The following PCDHA6 variants were observed in gnomAD, a reference collection of about 807,000 sequenced individuals.
PCDHA6 encodes protocadherin alpha-6.
Under a neutral mutation model 60.3 loss-of-function variants are expected in PCDHA6, and 55 were observed. The ratio of observed to expected loss-of-function variants is 0.91; its 90% CI spans 0.73 to 1.14. The LOEUF (loss-of-function observed/expected upper bound fraction) is 1.14, where lower values mean the gene tolerates loss of function less well. PCDHA6 is among the 50% of genes most tolerant of loss of function. PCDHA6 has a pLI of 0.00. For missense variants in PCDHA6, 1,327 were observed against 1,256.5 expected (o/e 1.06, Z -0.85); for synonymous variants, 652 against 557.9 (o/e 1.17, Z -2.38).
intron 3 of PCDHA6, among the ~76,000 whole-genome samples, chr5:140,983,431 G>T (rs947907651): frequency 5.3e-5 from 8 of 152,198 alleles, no homozygotes; most frequent in African/African-American, 1.9e-4. Flanking sequence ...ACCACAAATT[G>T]TGTCTACTCT....
At chr5:140,858,342 C>T (rs528199752) in intron 1 of PCDHA6, 5 of 1,594,916 alleles carry the variant, frequency 3.1e-6, no homozygotes, top group East Asian at 2.2e-5. Flanking sequence ...CTGCCCAAGG[C>T]GGACCTCATG....
At chr5:140,987,262 G>A (rs563934474) in intron 3 of PCDHA6, among the ~76,000 whole-genome samples, 1 of 151,978 alleles carries the variant, frequency 6.6e-6, no homozygotes, top group South Asian at 2.1e-4. Context: ...TCTCAGGAAT[G>A]GGACCCGGCA....
rs2080357826 is a variant in PCDHA6 at position 140,921,739 on chromosome 5, G to T, written c.2395-57210G>T. The stretch of plus-strand genomic sequence containing the variant: ...CGAATTACTCCCATAAAAATTATAA[G>T]CATAACAGGACACTTCTTGGCTACT... On this transcript the variant is annotated intron_variant, in intron 1 of 3. Transcript: ENST00000529310. Among the ~76,000 whole-genome samples, 7 of 152,134 alleles carry T rather than the reference G, an allele frequency of 4.6e-5. No individual in the cohort carries two copies. In the South Asian group the frequency reaches 1.5e-3, roughly 32 times the overall value.
chr5:140,929,170 C>T, intron 1 of PCDHA6: 4 of 1,614,134 alleles, frequency 2.5e-6, no homozygotes, highest in Non-Finnish European at 3.4e-6. Flanking sequence ...TCGGGCCTCT[C>T]TGGGACTTGG....
chr5:140,832,092 A>T, intron 1 of PCDHA6, among the ~76,000 whole-genome samples: 1 of 152,240 alleles, frequency 6.6e-6, no homozygotes, highest in East Asian at 1.9e-4. Flanking sequence ...TTTAAATGCC[A>T]TGTTCTACAT....
At chr5:140,972,798 A>G (rs782291338) in intron 1 of PCDHA6, among the ~76,000 whole-genome samples, 6 of 151,178 alleles carry the variant, frequency 4.0e-5, no homozygotes, top group Admixed American at 2.6e-4. Flanking sequence ...TGAGTAGCTG[A>G]GATTACAGGC....
In PCDHA6 at chr5:140,829,576, G is replaced by A. The variant is rs2150170458; in HGVS notation, c.1485G>A (p.Val495=). 2 of 1,612,390 alleles carry A rather than the reference G, an allele frequency of 1.2e-6. No individual in the cohort carries two copies. The highest frequency in any genetic ancestry group is 3.3e-5 in the Admixed American group (2 of 60,002). Residue 495 remains valine (V), a synonymous_variant, in exon 1 of 4, where the codon GTG becomes GTA. Coordinates refer to ENST00000529310, the MANE Select transcript of PCDHA6 (RefSeq NM_018909.4). ...QENALVSYSL[V]ERRVGERALS... ...ACGCGCTGGTGTCCTACTCGCTGGT[G>A]GAGCGGCGGGTGGGCGAGCGCGCGT...
At chr5:140,966,469 C>G (rs1308389710) in intron 1 of PCDHA6, 1 of 432,506 alleles carries the variant, frequency 2.3e-6, no homozygotes, top group African/African-American at 2.0e-5. Context: ...GTCTTCCCTT[C>G]TGTTTCCTTT....
At chr5:140,933,220 T>G (rs1179526168) in intron 1 of PCDHA6, among the ~76,000 whole-genome samples, 3 of 151,968 alleles carry the variant, frequency 2.0e-5, no homozygotes, top group African/African-American at 7.2e-5. Flanking sequence ...TCTGTTATAT[T>G]GCATTTATGA....
At chr5:140,969,309 A>G in intron 1 of PCDHA6, 2 of 1,614,212 alleles carry the variant, frequency 1.2e-6, no homozygotes, top group Non-Finnish European at 1.7e-6. Context: ...ATTCTCAAAA[A>G]TGAGGCTGTT....
At chr5:140,943,316 A>G (rs1326467105) in intron 1 of PCDHA6, among the ~76,000 whole-genome samples, 3 of 151,868 alleles carry the variant, frequency 2.0e-5, no homozygotes, top group African/African-American at 4.8e-5. Context: ...ATTATTAGCA[A>G]TATTGTGTAG....
intron 3 of PCDHA6, chr5:140,988,770 G>A (rs1388594585): frequency 6.6e-6 from 1 of 152,168 alleles, no homozygotes; most frequent in African/African-American, 2.4e-5. Flanking sequence ...TACAGTCATG[G>A]TTAAGACCAT....
In PCDHA6 at chr5:140,959,884, G is replaced by A. The variant is rs141989766; in HGVS notation, c.2395-19065G>A. On this transcript the variant is annotated intron_variant, in intron 1 of 3. Coordinates refer to ENST00000529310, the MANE Select transcript of PCDHA6 (RefSeq NM_018909.4). ...TAGCAAAATCTGTCAAGGAATACAC[G>A]AGTGGGATTTATATCAGAAAAATCA... Among the ~76,000 whole-genome samples, 570 of 152,254 alleles carry A rather than the reference G, an allele frequency of 3.7e-3. 1 individual carries two copies. The highest frequency in any genetic ancestry group is 6.9e-3 in the Non-Finnish European group (471 of 68,018).
intron 1 of PCDHA6, chr5:140,860,992 T>C (rs173699): frequency 1 from 152,392 of 152,392 alleles, 76,196 homozygotes; most frequent in Non-Finnish European, 1. Context: ...CGGCCTCGGC[T>C]TCCCAAAGTG....
intron 1 of PCDHA6, chr5:140,850,399 G>C: frequency 6.3e-7 from 1 of 1,597,978 alleles, no homozygotes; most frequent in Non-Finnish European, 8.6e-7. Flanking sequence ...AGCACAACGC[G>C]TGCCCTGGAC....
Position 140,829,797 on chromosome 5 carries a change from G to C in PCDHA6, c.1706G>C (p.Arg569Pro). 1 of 1,613,852 alleles carries C rather than the reference G, an allele frequency of 6.2e-7. No homozygotes were observed. Among genetic ancestry groups the C allele is most frequent in the Admixed American group, 1.7e-5 (1 of 60,004 alleles). Residue 569 changes from arginine (R) to proline (P), a missense_variant, in exon 1 of 4, where the codon CGG becomes CCG. Coordinates refer to ENST00000529310, the MANE Select transcript of PCDHA6 (RefSeq NM_018909.4). ...AACGCGCCGGCGCTGCTGGCGCCTC[G>C]GGTGGGTGGTACTGGTGGTGCAGTG... Reference protein sequence around the residue: ...NDNAPALLAPRVGGTGGAVSE... With the variant: ...NDNAPALLAPPVGGTGGAVSE...
At chr5:140,987,588 A>G (rs1479484790) in intron 3 of PCDHA6, among the ~76,000 whole-genome samples, 1 of 152,220 alleles carries the variant, frequency 6.6e-6, no homozygotes, top group Non-Finnish European at 1.5e-5. Flanking sequence ...TGGGGAGAAT[A>G]GTGGTGTCTA....
intron 1 of PCDHA6, chr5:140,875,350 T>G (rs1465566736): frequency 6.9e-7 from 1 of 1,444,966 alleles, no homozygotes; most frequent in African/African-American, 1.4e-5. Flanking sequence ...CCATAATGAC[T>G]GTGATGCTGG....
At chr5:140,926,053 C>T (rs768010675) in intron 1 of PCDHA6, among the ~76,000 whole-genome samples, 10 of 152,230 alleles carry the variant, frequency 6.6e-5, no homozygotes, top group Non-Finnish European at 1.5e-4. Context: ...CCCCAACCTT[C>T]TTCCCCTCCT....
Sources: allele counts gnomAD v4.1 joint callset (sites outside exome capture counted in the v4.1 genomes callset), GRCh38; gene constraint gnomAD v4.1.1; transcripts MANE v1.5; gene names NCBI Gene and HGNC (gene_info 2026-07-23, HGNC 2026-07-21).